GAS6: variants seen among roughly 807,000 people sequenced by gnomAD.
GAS6 encodes growth arrest specific 6.
Under a neutral mutation model 75.8 loss-of-function variants are expected in GAS6, and 41 were observed. The observed-to-expected ratio is 0.54, with a 90% CI of 0.42 to 0.70. The LOEUF (loss-of-function observed/expected upper bound fraction) is 0.70, where lower values mean the gene tolerates loss of function less well. GAS6 is among the 30% of genes least tolerant of loss of function. The pLI is 0.00. For synonymous variants in GAS6, 432 were observed against 412.6 expected, an observed-to-expected ratio of 1.05 and a Z score of -0.57; for missense variants, 854 against 940.2, an observed-to-expected ratio of 0.91 and a Z score of 1.20.
intron 8 of GAS6, chr13:113,833,021 T>A (rs1361151544): frequency 1.5e-6 from 2 of 1,358,936 alleles, no homozygotes; most frequent in Non-Finnish European, 1.9e-6. Context: ...GACCCTTTAT[T>A]TTTAAATTAT....
In GAS6 at chr13:113,822,264, C is replaced by T. The variant is rs1185217403; in HGVS notation, c.1654-78G>A. The stretch of plus-strand genomic sequence containing the variant: ...GTTAGGTCCAAGCTGGTCCTCACAG[C>T]TGCTGGCCACCCCTACGCCGCACGC... On this transcript the variant is annotated intron_variant, in intron 13 of 14. Coordinates refer to ENST00000327773, the MANE Select transcript of GAS6 (RefSeq NM_000820.4). 14 of 1,146,522 alleles carry T rather than the reference C, an allele frequency of 1.2e-5. No homozygotes were observed. In the East Asian group the frequency reaches 3.8e-4, roughly 31 times the overall value. The allele number at this position is 1,146,522 out of a possible 1,614,324, so 71.0% of individuals were successfully genotyped here.
chr13:113,859,541 AGTGT>A (rs375607420), intron 2 of GAS6, among the ~76,000 whole-genome samples: 13 of 139,956 alleles, frequency 9.3e-5, no homozygotes, highest in Admixed American at 5.5e-4. Flanking sequence ...CATGTCTGTC[AGTGT>A]GTGTGTGTAC....
In GAS6 at chr13:113,821,575, G is replaced by C. The variant is rs754992507; in HGVS notation, c.1882+383C>G. On this transcript the variant is annotated intron_variant, in intron 14 of 14. Coordinates refer to ENST00000327773, the MANE Select transcript of GAS6 (RefSeq NM_000820.4). ...CTGCTGGACATGGGAGGGGCTGGCGGTCACTCTGTTCGCTGCTAACAGCTG... is the reference window on the plus strand; with the variant it reads ...CTGCTGGACATGGGAGGGGCTGGCGCTCACTCTGTTCGCTGCTAACAGCTG... 3.2e-3 allele frequency: 842 copies of C among 263,144 alleles called. 3 individuals carry two copies. Among genetic ancestry groups the C allele is most frequent in the Middle Eastern group, 0.01 (8 of 798 alleles). The allele number at this position is 263,144 out of a possible 1,614,324, so 16.3% of individuals were successfully genotyped here. A position where few individuals can be genotyped will look rare whatever the true frequency, so the allele number is the denominator to read the frequency against.
At chr13:113,826,167 TCCAC>T (rs1006480542) in intron 12 of GAS6, among the ~76,000 whole-genome samples, 1 of 152,172 alleles carries the variant, frequency 6.6e-6, no homozygotes, top group African/African-American at 2.4e-5. Flanking sequence ...GCAGCTCACA[TCCAC>T]CCTGTCCTCC....
At chr13:113,834,064 A>T (rs900632911) in intron 8 of GAS6, among the ~76,000 whole-genome samples, 6 of 143,118 alleles carry the variant, frequency 4.2e-5, no homozygotes, top group Admixed American at 3.6e-4. Context: ...CCGGTGTGAC[A>T]GGTCGGTGTG....
chr13:113,864,055 C>A lies in GAS6; in HGVS notation c.-135G>T. 1 of 917,322 alleles carries A rather than the reference C, an allele frequency of 1.1e-6. No individual in the cohort carries two copies. The highest frequency in any genetic ancestry group is 1.3e-6 in the Non-Finnish European group (1 of 764,742). The allele number at this position is 917,322 out of a possible 1,614,324, so 56.8% of individuals were successfully genotyped here. A position where few individuals can be genotyped will look rare whatever the true frequency, so the allele number is the denominator to read the frequency against. On this transcript the variant is annotated 5_prime_UTR_variant, in exon 1 of 15. Coordinates refer to ENST00000327773, the MANE Select transcript of GAS6 (RefSeq NM_000820.4). ...GCGGCGGCGGCGGCGGCGGCGGCTGCGGCACCTCAAGCGCTCGGTCTGGGC... is the reference window on the plus strand; with the variant it reads ...GCGGCGGCGGCGGCGGCGGCGGCTGAGGCACCTCAAGCGCTCGGTCTGGGC...
chr13:113,821,171 T>C, intron 14 of GAS6, 153 bp from the exon 15 acceptor site: 1 of 786,036 alleles, frequency 1.3e-6, no homozygotes, highest in Non-Finnish European at 2.0e-6. Context: ...TCCCCGTTCG[T>C]TTGGCCGCAG....
In GAS6 at chr13:113,834,552, T is replaced by C. The variant is rs1242643028; in HGVS notation, c.833A>G (p.Glu278Gly). 3 of 1,581,526 alleles carry C rather than the reference T, an allele frequency of 1.9e-6. No homozygotes were observed. The highest frequency in any genetic ancestry group is 2.6e-6 in the Non-Finnish European group (3 of 1,166,130). ...LKLSQDMDTCEDILPCVPFSV... is the reference protein window; with the variant it reads ...LKLSQDMDTCGDILPCVPFSV... ...CCCGCGGGGCCAGGGGCCGCCTACC[T>C]CACAGGTGTCCATGTCCTGGGACAG... The change falls in exon 8 of 15, where the codon GAG (glutamate) becomes GGG (glycine). Residue 278 changes from glutamate (E) to glycine (G), a missense_variant and splice_region_variant. Glu to Gly is a moderately conservative substitution (Grantham distance 98, BLOSUM62 -2). Coordinates refer to ENST00000327773, the MANE Select transcript of GAS6 (RefSeq NM_000820.4).
In GAS6 at chr13:113,852,669, C is replaced by CCCCTG. The variant is rs561597604; in HGVS notation, c.256-4624_256-4620dup. On this transcript the variant is annotated intron_variant, in intron 2 of 14. Transcript: ENST00000327773. ...TCACAAAGACCCAAGTCCACCTCCG[C>CCCCTG]CCCTGCCCTGCCCACCACCAGACCC... Among the ~76,000 whole-genome samples, 1,210 of 152,314 alleles carry CCCCTG rather than the reference C, an allele frequency of 7.9e-3. 5 individuals carry two copies. The highest frequency in any genetic ancestry group is 0.01 in the Non-Finnish European group (709 of 68,014).
intron 2 of GAS6, among the ~76,000 whole-genome samples, chr13:113,852,148 T>G (rs2051881097): frequency 6.6e-6 from 1 of 152,246 alleles, no homozygotes; most frequent in Admixed American, 6.5e-5. Flanking sequence ...CAGCCCAACA[T>G]AAATTCGTAA....
chr13:113,823,628 G>A (rs2051491173), intron 12 of GAS6, 78 bp from the exon 13 acceptor site: 11 of 1,397,524 alleles, frequency 7.9e-6, no homozygotes, highest in Middle Eastern at 1.9e-4. Flanking sequence ...GGCCTCGAGA[G>A]ATGCAGTCCC....
At chr13:113,847,579 G>A (rs922791501) in intron 3 of GAS6, 27 of 183,478 alleles carry the variant, frequency 1.5e-4, no homozygotes, top group African/African-American at 4.1e-4. Context: ...TGGCATTCCC[G>A]TTCTTCAAAT....
In GAS6 at chr13:113,838,099, C is replaced by T. The variant is rs199802250; in HGVS notation, c.559G>A (p.Glu187Lys). 3.5e-5 allele frequency: 56 copies of T among 1,612,844 alleles called. No individual in the cohort carries two copies. In the East Asian group the frequency reaches 1.0e-3, roughly 29 times the overall value. ...CAGGTCCTGCCATCAGAGGAGAGCT[C>T]GAAGCCGCTGTGGCAGGAACAGTGG... ...SFHCSCHSGFELSSDGRTCQD... is the reference protein window; with the variant it reads ...SFHCSCHSGFKLSSDGRTCQD... Residue 187 changes from glutamate to lysine, a missense_variant, in exon 6 of 15, where the codon GAG becomes AAG. Coordinates refer to ENST00000327773, the MANE Select transcript of GAS6 (RefSeq NM_000820.4).
Position 113,828,671 on chromosome 13 carries a change from A to T in GAS6, c.1184T>A (p.Val395Asp). The change falls in exon 11 of 15, where the codon GTC (valine) becomes GAC (aspartate). Residue 395 changes from valine (V) to aspartate (D), a missense_variant. By Grantham distance (152) the Val-to-Asp change is radical (BLOSUM62 -3). Transcript: ENST00000327773. ...GATTTTCATGACAGCATCCCTGTTG[A>T]CCTTGATGACCAGATTCCGCGCCAG... ...EELARNLVIK[V>D]NRDAVMKIAV... 1.2e-6 allele frequency: 2 copies of T among 1,613,544 alleles called. No homozygotes were observed. The highest frequency in any genetic ancestry group is 8.5e-7 in the Non-Finnish European group (1 of 1,179,992).
chr13:113,821,352 CTG>C (rs1031463199), intron 14 of GAS6: 41 of 303,950 alleles, frequency 1.3e-4, no homozygotes, highest in African/African-American at 8.1e-4. Flanking sequence ...CTTCAAAGCT[CTG>C]TTTATTAAAA....
At chr13:113,821,261 C>T (rs2051454115) in intron 14 of GAS6, 1 of 571,706 alleles carries the variant, frequency 1.7e-6, no homozygotes, top group Non-Finnish European at 3.1e-6. Context: ...GGAGCACAGA[C>T]AGTCCCATCG....
At chr13:113,836,081 G>T in intron 6 of GAS6, 1 of 986,142 alleles carries the variant, frequency 1.0e-6, no homozygotes. Flanking sequence ...CCTAAGACTT[G>T]AGCATCTAAT....
Position 113,828,528 on chromosome 13 carries a change from G to T in GAS6, c.1308+19C>A. On this transcript the variant is annotated intron_variant, in intron 11 of 14. Transcript: ENST00000327773. ...CCCAGCACACGGCGCGTCTACACAGGGACAGGTACAGTACTCACAGGCTGC... is the reference window on the plus strand; with the variant it reads ...CCCAGCACACGGCGCGTCTACACAGTGACAGGTACAGTACTCACAGGCTGC... 2 of 1,608,062 alleles carry T rather than the reference G, an allele frequency of 1.2e-6. No homozygotes were observed. The highest frequency in any genetic ancestry group is 1.7e-6 in the Non-Finnish European group (2 of 1,176,416).
intron 2 of GAS6, among the ~76,000 whole-genome samples, chr13:113,858,860 T>C (rs971691551): frequency 2.2e-5 from 3 of 138,274 alleles, no homozygotes; most frequent in Non-Finnish European, 4.6e-5. Context: ...TGTGTCATTA[T>C]GCATGTGTGT....
Sources: gnomAD v4.1 joint callset for allele counts (sites outside exome capture counted in the v4.1 genomes callset) on GRCh38, gnomAD v4.1.1 for gene constraint, MANE v1.5 for transcripts, NCBI Gene and HGNC (gene_info 2026-07-23, HGNC 2026-07-21) for gene names.